The following CRYBB1 variants were observed in gnomAD, a reference collection of about 807,000 sequenced individuals.
CRYBB1 encodes beta-crystallin B1.
A neutral mutation model predicts 29.5 loss-of-function variants in CRYBB1; 16 were observed. That is an observed-to-expected ratio of 0.54 (90% CI 0.37 to 0.82). The LOEUF is 0.82. CRYBB1 is among the 40% of genes least tolerant of loss of function. The pLI is 0.00. For missense variants in CRYBB1, 300 were observed against 350.5 expected (o/e 0.86, Z 1.15); for synonymous variants, 127 against 136.7 (o/e 0.93, Z 0.49).
chr22:26,612,168 T>A lies in CRYBB1; in HGVS notation c.203A>T (p.Asn68Ile), dbSNP rs760636878. The change falls in exon 3 of 6, where the codon AAC becomes ATC. Residue 68 changes from asparagine to isoleucine, a missense_variant. By Grantham distance (149) the Asn-to-Ile change is moderately radical (BLOSUM62 -3). Transcript: ENST00000647684. ...GAATTCTGCTCGACGGCCCTGGAAG[T>A]TTTCCAGTTCGAAGACCACCAGCTG... The part of the protein sequence containing the change: ...NYRLVVFELE[N>I]FQGRRAEFSG... 1 of 1,610,176 alleles carries A rather than the reference T, an allele frequency of 6.2e-7. No homozygotes were observed.
chr22:26,609,083 T>C (rs1014231320), intron 3 of CRYBB1, among the ~76,000 whole-genome samples: 2 of 152,178 alleles, frequency 1.3e-5, no homozygotes, highest in African/African-American at 4.8e-5. Context: ...CCTTGACCTT[T>C]GCTCCCCGTG....
At chr22:26,616,445 T>C (rs1929358629) in intron 1 of CRYBB1, 107 bp from the exon 2 acceptor site, 2 of 762,108 alleles carry the variant, frequency 2.6e-6, no homozygotes, top group Non-Finnish European at 4.5e-6. Flanking sequence ...TTCCTCTCTA[T>C]CTCCTTCTGA....
intron 4 of CRYBB1, among the ~76,000 whole-genome samples, chr22:26,605,003 G>A (rs1928931855): frequency 6.6e-6 from 1 of 151,970 alleles, no homozygotes; most frequent in Non-Finnish European, 1.5e-5. Context: ...AGCTTTGTTG[G>A]CCACCTTTAA....
In CRYBB1 at chr22:26,599,464, GC is replaced by G; in HGVS notation, c.*25del. On this transcript the variant is annotated 3_prime_UTR_variant, in exon 6 of 6. Transcript: ENST00000647684. ...TAATTGAACATGAAGAAGGGTTGGG[GC>G]AAGGTAGCAGAGTGAGGTGTGGACT... The G allele has an allele frequency of 6.3e-7, 1 of 1,593,076 alleles. No individual in the cohort carries two copies. Among genetic ancestry groups the G allele is most frequent in the Non-Finnish European group, 8.6e-7 (1 of 1,164,982 alleles).
intron 3 of CRYBB1, among the ~76,000 whole-genome samples, chr22:26,611,469 GTTTT>G (rs796631077): frequency 7.5e-6 from 1 of 133,334 alleles, no homozygotes; most frequent in African/African-American, 2.8e-5. Context: ...TTTTTTTTTT[GTTTT>G]TTTTTTTTTT....
chr22:26,616,106 A>C, intron 2 of CRYBB1, 34 bp downstream of exon 2: 1 of 1,578,010 alleles, frequency 6.3e-7, no homozygotes, highest in Non-Finnish European at 8.7e-7. Context: ...GAAAGAAGGC[A>C]TGGCACCCAG....
Position 26,601,924 on chromosome 22 carries a change from T to C in CRYBB1, c.530A>G (p.Tyr177Cys). ...GCTGCCCACGCGGTCACTGAAGCCG[T>C]AGACCCAGAGACTGGGTGCGTCGTC... ...QGDDAPSLWV[Y>C]GFSDRVGSVK... is the part of the protein sequence containing the mutation. Residue 177 changes from tyrosine to cysteine, a missense_variant, in exon 5 of 6, where the codon TAC (tyrosine) becomes TGC (cysteine). Transcript: ENST00000647684. 6.2e-7 allele frequency: 1 copy of C among 1,612,870 alleles called. No homozygotes were observed. Among genetic ancestry groups the C allele is most frequent in the Non-Finnish European group, 8.5e-7 (1 of 1,179,878 alleles).
At chr22:26,610,297 C>T (rs563593225) in intron 3 of CRYBB1, among the ~76,000 whole-genome samples, 2 of 152,238 alleles carry the variant, frequency 1.3e-5, no homozygotes, top group Admixed American at 1.3e-4. Flanking sequence ...GGGTTTCAGG[C>T]AGGCAGGCCT....
At chr22:26,610,997 C>T (rs1433189282) in intron 3 of CRYBB1, among the ~76,000 whole-genome samples, 1 of 152,132 alleles carries the variant, frequency 6.6e-6, no homozygotes. Flanking sequence ...TGGGGCTGCC[C>T]CTCCACCCTG....
chr22:26,612,255 C>T, intron 2 of CRYBB1, 65 bp from the exon 3 acceptor site: 1 of 1,091,188 alleles, frequency 9.2e-7, no homozygotes. Context: ...CATTAAGTAT[C>T]TACATAAATA....
At chr22:26,601,769 G>A in intron 5 of CRYBB1, 110 bp downstream of exon 5, 1 of 1,556,606 alleles carries the variant, frequency 6.4e-7, no homozygotes, top group East Asian at 2.3e-5. Context: ...ACTGTGGAAG[G>A]GGCCATGGCC....
At chr22:26,610,500 CA>C (rs200805047) in intron 3 of CRYBB1, among the ~76,000 whole-genome samples, 1 of 151,994 alleles carries the variant, frequency 6.6e-6, no homozygotes, top group African/African-American at 2.4e-5. Flanking sequence ...TCACTGGTAC[CA>C]AAAAAAGCCT....
chr22:26,610,921 A>T (rs907359088), intron 3 of CRYBB1, among the ~76,000 whole-genome samples: 1 of 152,182 alleles, frequency 6.6e-6, no homozygotes, highest in Non-Finnish European at 1.5e-5. Context: ...ATACAGGATG[A>T]CTGGAACCCT....
At chr22:26,602,056 T>C (rs1169991490) in intron 4 of CRYBB1, 35 bp from the exon 5 acceptor site, 3 of 1,611,150 alleles carry the variant, frequency 1.9e-6, no homozygotes, top group Non-Finnish European at 2.5e-6. Context: ...GTGTGTGAAG[T>C]ACAAATGGGA....
chr22:26,601,186 G>A (rs1602320218), intron 5 of CRYBB1, among the ~76,000 whole-genome samples: 1 of 152,290 alleles, frequency 6.6e-6, no homozygotes, highest in Middle Eastern at 3.4e-3. Flanking sequence ...AGAGCCTTAC[G>A]TTTACCTAGA....
chr22:26,614,226 C>G (rs1291669826), intron 2 of CRYBB1, among the ~76,000 whole-genome samples: 1 of 152,200 alleles, frequency 6.6e-6, no homozygotes, highest in African/African-American at 2.4e-5. Context: ...TACTTGATGT[C>G]TGTGACCCAC....
chr22:26,605,637 C>T (rs1490821566), intron 4 of CRYBB1, among the ~76,000 whole-genome samples: 1 of 132,908 alleles, frequency 7.5e-6, no homozygotes, highest in African/African-American at 2.8e-5. Context: ...CGTGCCACTA[C>T]ACTCCAGCCT....
At chr22:26,607,575 A>AAG (rs1036979559) in intron 4 of CRYBB1, among the ~76,000 whole-genome samples, 4 of 151,796 alleles carry the variant, frequency 2.6e-5, no homozygotes, top group Admixed American at 2.6e-4. Flanking sequence ...AAAAAAAAAA[A>AAG]AAAAGCTCCC....
At chr22:26,599,717 G>A (rs765398750) in intron 5 of CRYBB1, 44 bp from the exon 6 acceptor site, 39 of 1,524,504 alleles carry the variant, frequency 2.6e-5, no homozygotes, top group South Asian at 5.6e-5. Context: ...AGCCTGTCTC[G>A]TTGCCTGGCA....
Sources: allele counts gnomAD v4.1 joint callset (sites outside exome capture counted in the v4.1 genomes callset), GRCh38; gene constraint gnomAD v4.1.1; transcripts MANE v1.5; gene names NCBI Gene and HGNC (gene_info 2026-07-23, HGNC 2026-07-21).